The following RHBDL3 variants were observed in gnomAD, a reference collection of about 807,000 sequenced individuals.
RHBDL3 encodes rhomboid-related protein 3.
RHBDL3 carries 28 observed loss-of-function variants against 48.2 expected under a neutral mutation model. That is an observed-to-expected ratio of 0.58 (90% CI 0.43 to 0.80). RHBDL3 has a LOEUF of 0.80. Among genes scored for constraint, RHBDL3 ranks in the 30% least tolerant of loss-of-function variants. The pLI is 0.00. For synonymous variants in RHBDL3, 208 were observed against 232.3 expected (o/e 0.90, Z 0.95); for missense variants, 464 against 542.7 (o/e 0.85, Z 1.44).
intron 4 of RHBDL3, 134 bp from the exon 5 acceptor site, chr17:32,294,160 G>A: frequency 1.6e-6 from 1 of 640,934 alleles, no homozygotes; most frequent in African/African-American, 1.9e-5. Context: ...GTTGGGCCCT[G>A]GCTGTGGGGT....
intron 7 of RHBDL3, among the ~76,000 whole-genome samples, chr17:32,309,540 G>A (rs1252244941): frequency 1.3e-5 from 2 of 151,810 alleles, no homozygotes; most frequent in African/African-American, 2.4e-5. Context: ...CAACAAGAGC[G>A]AAACTCTGTC....
chr17:32,291,933 G>A (rs138876263), intron 4 of RHBDL3, among the ~76,000 whole-genome samples: 2,234 of 151,828 alleles, frequency 0.015, 45 homozygotes, highest in South Asian at 0.082. Context: ...CACCACGCCC[G>A]GCTAATTTTC....
At chr17:32,314,601 G>A (rs994908109) in intron 7 of RHBDL3, among the ~76,000 whole-genome samples, 1 of 152,170 alleles carries the variant, frequency 6.6e-6, no homozygotes, top group Non-Finnish European at 1.5e-5. Context: ...GGGCTCCCAG[G>A]GAGACAGGGA....
chr17:32,285,661 G>A (rs975567168), intron 3 of RHBDL3, among the ~76,000 whole-genome samples: 2 of 152,192 alleles, frequency 1.3e-5, no homozygotes, highest in African/African-American at 4.8e-5. Context: ...GTAGAAAAGC[G>A]GGGTGAACAA....
At chr17:32,270,566 G>A (rs941735160) in intron 2 of RHBDL3, among the ~76,000 whole-genome samples, 4 of 152,044 alleles carry the variant, frequency 2.6e-5, no homozygotes, top group Admixed American at 1.3e-4. Context: ...GGTGATGAAA[G>A]CAGGTGACCC....
chr17:32,308,484 G>A (rs2040762034), intron 7 of RHBDL3, among the ~76,000 whole-genome samples: 1 of 152,140 alleles, frequency 6.6e-6, no homozygotes, highest in African/African-American at 2.4e-5. Flanking sequence ...TGGAGGCTGA[G>A]GTGAGATCAC....
rs183109202 is a variant in RHBDL3, at chr17:32,277,064, A to T, written c.136-7595A>T. Among the ~76,000 whole-genome samples the T allele has an allele frequency of 1.8e-4, 28 of 152,322 alleles. 1 individual carries two copies. Among genetic ancestry groups the T allele is most frequent in the African/African-American group, 6.5e-4 (27 of 41,556 alleles). On this transcript the variant is annotated intron_variant, in intron 2 of 8. Transcript: ENST00000269051. ...CCTTGGTGTGTGTACATGGGAGAAG[A>T]CAATGGGGATCCGGGTGGGAACCTG...
At chr17:32,315,073 GCT>G (rs2040939169) in intron 7 of RHBDL3, among the ~76,000 whole-genome samples, 1 of 152,248 alleles carries the variant, frequency 6.6e-6, no homozygotes. Context: ...TTTGGCATGT[GCT>G]CTGTGTCCTG....
intron 7 of RHBDL3, among the ~76,000 whole-genome samples, chr17:32,307,279 AG>A (rs533454428): frequency 8.3e-4 from 126 of 152,266 alleles, no homozygotes; most frequent in Non-Finnish European, 1.3e-3. Context: ...TAGTGAATGA[AG>A]GAAGGAAGGC....
intron 2 of RHBDL3, among the ~76,000 whole-genome samples, chr17:32,276,816 G>T (rs79695204): frequency 1.5e-4 from 8 of 54,868 alleles, no homozygotes; most frequent in African/African-American, 1.2e-3. Context: ...CCCTAGCACA[G>T]TACTCCGGCC....
intron 5 of RHBDL3, 33 bp downstream of exon 5, chr17:32,294,475 G>A (rs1351241927): frequency 3.2e-6 from 5 of 1,587,258 alleles, no homozygotes; most frequent in Non-Finnish European, 4.3e-6. Context: ...TCTGTCAAAA[G>A]ACCCTACAGA....
At chr17:32,284,943 T>C in intron 3 of RHBDL3, 126 bp downstream of exon 3, 1 of 847,048 alleles carries the variant, frequency 1.2e-6, no homozygotes, top group South Asian at 1.7e-5. Flanking sequence ...TCCAGGCTTC[T>C]GAGGTGAAAG....
chr17:32,270,244 A>G (rs2039742624), intron 2 of RHBDL3, among the ~76,000 whole-genome samples: 1 of 151,356 alleles, frequency 6.6e-6, no homozygotes, highest in Non-Finnish European at 1.5e-5. Flanking sequence ...GTGACTCTGG[A>G]GTTCGCCTTC....
At chr17:32,287,207 A>T (rs1250430718) in intron 3 of RHBDL3, among the ~76,000 whole-genome samples, 2 of 152,138 alleles carry the variant, frequency 1.3e-5, no homozygotes, top group Non-Finnish European at 2.9e-5. Flanking sequence ...ACGCAGGTGG[A>T]TGGTGAGTGT....
chr17:32,306,724 C>G (rs1036968042), intron 7 of RHBDL3, among the ~76,000 whole-genome samples: 10 of 152,216 alleles, frequency 6.6e-5, no homozygotes, highest in Non-Finnish European at 1.2e-4. Context: ...AGTTCAAGAC[C>G]AGCCCAGGCA....
At chr17:32,307,835 C>T (rs2040747085) in intron 7 of RHBDL3, among the ~76,000 whole-genome samples, 1 of 152,130 alleles carries the variant, frequency 6.6e-6, no homozygotes, top group African/African-American at 2.4e-5. Context: ...GCCTCCTCCA[C>T]TCCCCCCTCC....
chr17:32,291,790 T>A (rs1359986782), intron 4 of RHBDL3, among the ~76,000 whole-genome samples: 4 of 142,294 alleles, frequency 2.8e-5, no homozygotes, highest in Non-Finnish European at 6.0e-5. Flanking sequence ...TTTTTTTTTT[T>A]AGACAGAGTC....
intron 3 of RHBDL3, among the ~76,000 whole-genome samples, chr17:32,285,932 G>A (rs976701739): frequency 2.6e-5 from 4 of 152,212 alleles, no homozygotes; most frequent in African/African-American, 9.6e-5. Context: ...GTCCAGCCTT[G>A]GTCCAAGGGT....
chr17:32,287,205 G>A (rs1469988189), intron 3 of RHBDL3, among the ~76,000 whole-genome samples: 1 of 152,182 alleles, frequency 6.6e-6, no homozygotes, highest in Admixed American at 6.5e-5. Context: ...GGACGCAGGT[G>A]GATGGTGAGT....
Sources: allele counts gnomAD v4.1 joint callset (sites outside exome capture counted in the v4.1 genomes callset), GRCh38; gene constraint gnomAD v4.1.1; transcripts MANE v1.5; gene names NCBI Gene and HGNC (gene_info 2026-07-23, HGNC 2026-07-21).